Variants in ARNT2 observed in about 807,000 individuals in gnomAD.
ARNT2 encodes the protein ARNT protein 2.
In ARNT2, 36 loss-of-function variants were observed where a neutral mutation model predicts 91.7. The ratio of observed to expected loss-of-function variants is 0.39; its 90% confidence interval spans 0.30 to 0.52. ARNT2 has a LOEUF of 0.52. Among genes scored for constraint, ARNT2 ranks in the 20% least tolerant of loss-of-function variants. The probability of loss-of-function intolerance (pLI) is 0.72; values close to 1 mark genes in which losing one functional copy is unlikely to be tolerated. For missense variants in ARNT2, 775 were observed against 939.3 expected (o/e 0.83, Z 2.29); for synonymous variants, 365 against 347.1 (o/e 1.05, Z -0.57).
intron 17 of ARNT2, among the ~76,000 whole-genome samples, chr15:80,586,445 G>A (rs997378370): frequency 6.6e-6 from 1 of 152,112 alleles, no homozygotes; most frequent in Non-Finnish European, 1.5e-5. Context: ...ACAACTCTGG[G>A]GATGAATGTC....
chr15:80,571,556 A>C (rs1334148762), intron 12 of ARNT2, among the ~76,000 whole-genome samples: 1 of 152,170 alleles, frequency 6.6e-6, no homozygotes, highest in Admixed American at 6.5e-5. Context: ...GGATCCCTTG[A>C]TCTCTGTCCT....
intron 3 of ARNT2, among the ~76,000 whole-genome samples, chr15:80,463,755 T>G (rs1303745621): frequency 6.6e-6 from 1 of 152,010 alleles, no homozygotes; most frequent in Non-Finnish European, 1.5e-5. Context: ...ATTTTTTGTA[T>G]TTTTTGTAGA....
intron 1 of ARNT2, among the ~76,000 whole-genome samples, chr15:80,406,626 G>A (rs796633603): frequency 2.0e-5 from 3 of 152,290 alleles, no homozygotes; most frequent in Admixed American, 6.5e-5. Context: ...CCCTGGCCCC[G>A]TGGTGTGAAG....
intron 1 of ARNT2, among the ~76,000 whole-genome samples, chr15:80,450,587 A>G (rs970200869): frequency 1.3e-5 from 2 of 152,256 alleles, no homozygotes; most frequent in African/African-American, 2.4e-5. Flanking sequence ...GTCAGGAGAC[A>G]GGAGTCCCTT....
chr15:80,520,787 G>T (rs1433971754), intron 8 of ARNT2, among the ~76,000 whole-genome samples: 1 of 152,090 alleles, frequency 6.6e-6, no homozygotes, highest in Non-Finnish European at 1.5e-5. Flanking sequence ...GTGGGTGTTT[G>T]TTACATTTTC....
In ARNT2 at chr15:80,536,649, C is replaced by T. The variant is rs139522615; in HGVS notation, c.878-14550C>T. Among the ~76,000 whole-genome samples the T allele has an allele frequency of 2.3e-3, 347 of 152,194 alleles. 6 individuals are homozygous for T. In the East Asian group the frequency reaches 0.031, roughly 14 times the overall value. On this transcript the variant is annotated intron_variant, in intron 8 of 18. Transcript: ENST00000303329. ...GCTTTTCATTAAAGGAAAACCTTAC[C>T]GAGGACTTCCTTACCCCCACTATCT...
intron 4 of ARNT2, among the ~76,000 whole-genome samples, chr15:80,474,528 G>A (rs780723896): frequency 2.0e-5 from 3 of 152,184 alleles, no homozygotes; most frequent in Non-Finnish European, 2.9e-5. Context: ...CTTTCAGTAC[G>A]GCAAGCTGTG....
At chr15:80,580,268 G>A in intron 15 of ARNT2, 143 bp from the exon 16 acceptor site, 1 of 1,082,846 alleles carries the variant, frequency 9.2e-7, no homozygotes, top group Admixed American at 1.8e-5. Flanking sequence ...GGCTCACGAT[G>A]TGTGAGTCAT....
chr15:80,404,525 C>T lies in ARNT2; in HGVS notation c.10C>T (p.Pro4Ser). ...ATCCTCTCCGAGCAAGATGGCAACC[C>T]CGGCGGCGGTCAACCCTCCGGGTGA... Reference protein sequence around the residue: MATPAAVNPPEMAS... With the variant: MATSAAVNPPEMAS... Residue 4 changes from proline (P) to serine (S), a missense_variant, in exon 1 of 19, where the codon CCG becomes TCG. Physicochemically the swap from Pro to Ser is moderately conservative, Grantham distance 74 (BLOSUM62 -1). Transcript: ENST00000303329. The surrounding 1 kb of genome is among the most constrained non-coding windows in gnomAD (Gnocchi z 5.5). The T allele has an allele frequency of 1.6e-6, 2 of 1,223,158 alleles. No individual in the cohort carries two copies. Among genetic ancestry groups the T allele is most frequent in the South Asian group, 1.6e-5 (1 of 61,226 alleles). The allele number at this position is 1,223,158 out of a possible 1,614,324, so 75.8% of individuals were successfully genotyped here.
chr15:80,430,262 C>G (rs570301906), intron 1 of ARNT2, among the ~76,000 whole-genome samples: 1 of 152,118 alleles, frequency 6.6e-6, no homozygotes, highest in Non-Finnish European at 1.5e-5. Context: ...AGTTGGAGAT[C>G]TCTGTGGTCT....
At chr15:80,510,111 G>A (rs1897321403) in intron 6 of ARNT2, among the ~76,000 whole-genome samples, 1 of 152,184 alleles carries the variant, frequency 6.6e-6, no homozygotes, top group South Asian at 2.1e-4. Context: ...ATGTGATTGT[G>A]GTAGAAAGTG....
chr15:80,564,890 T>C lies in ARNT2; in HGVS notation c.1316+1651T>C, dbSNP rs561080019. Among the ~76,000 whole-genome samples the C allele has an allele frequency of 1.6e-4, 25 of 151,712 alleles. No homozygotes were observed. In the East Asian group the frequency reaches 4.7e-3, roughly 28 times the overall value. ...TTCTTTTTAATGGCTGCATATTTTG[T>C]GTCATTTATGTACCACATTTTCTTC... is the stretch of plus-strand genomic sequence containing the variant. On this transcript the variant is annotated intron_variant, in intron 12 of 18. Transcript: ENST00000303329.
chr15:80,581,060 T>A (rs756669944), intron 16 of ARNT2, 179 bp from the exon 17 acceptor site: 1 of 699,544 alleles, frequency 1.4e-6, no homozygotes, highest in Non-Finnish European at 2.3e-6. Context: ...GATCCTGCAG[T>A]TCCTGGGCCC....
chr15:80,525,073 AT>A (rs59997582), intron 8 of ARNT2, among the ~76,000 whole-genome samples: 43,609 of 152,020 alleles, frequency 0.29, 6,651 homozygotes, highest in Non-Finnish European at 0.33. Flanking sequence ...TTTTCTATTC[AT>A]TTCTGTATTT....
At chr15:80,419,177 AGT>A (rs1235616553) in intron 1 of ARNT2, among the ~76,000 whole-genome samples, 1 of 152,082 alleles carries the variant, frequency 6.6e-6, no homozygotes, top group Non-Finnish European at 1.5e-5. Context: ...AAAAACACAA[AGT>A]GCTGCCCCAT....
At chr15:80,562,037 A>AT (rs1378340124) in intron 11 of ARNT2, among the ~76,000 whole-genome samples, 1 of 151,450 alleles carries the variant, frequency 6.6e-6, no homozygotes, top group Non-Finnish European at 1.5e-5. Flanking sequence ...GCCCCCTTGG[A>AT]TAAGGGGGCA....
chr15:80,456,078 G>A (rs916877438), intron 2 of ARNT2, among the ~76,000 whole-genome samples: 5 of 152,156 alleles, frequency 3.3e-5, no homozygotes, highest in Admixed American at 6.5e-5. Flanking sequence ...GTAATTTTCC[G>A]AGAAAGGTGG....
intron 5 of ARNT2, among the ~76,000 whole-genome samples, chr15:80,501,461 A>T (rs1897191491): frequency 6.6e-6 from 1 of 152,240 alleles, no homozygotes; most frequent in Non-Finnish European, 1.5e-5. Context: ...TGGGATTTTC[A>T]CTTAAAGTGT....
At chr15:80,429,662 G>A (rs1895982237) in intron 1 of ARNT2, among the ~76,000 whole-genome samples, 2 of 152,208 alleles carry the variant, frequency 1.3e-5, no homozygotes, top group South Asian at 4.1e-4. Flanking sequence ...AGGAGGCTCG[G>A]ACGTGTGATT....
Sources: gnomAD v4.1 joint callset for allele counts (sites outside exome capture counted in the v4.1 genomes callset) on GRCh38, gnomAD v4.1.1 for gene constraint, Gnocchi (gnomAD v3.1) non-coding constraint, MANE v1.5 for transcripts, NCBI Gene and HGNC (gene_info 2026-07-23, HGNC 2026-07-21) for gene names.